The following VIPR2 variants were observed in gnomAD, a reference collection of about 807,000 sequenced individuals.
VIPR2 encodes vasoactive intestinal polypeptide receptor 2.
A neutral mutation model predicts 58.0 loss-of-function variants in VIPR2; 48 were observed. The observed-to-expected ratio is 0.83, with a 90% CI of 0.66 to 1.05. The LOEUF is 1.05. VIPR2 is among the 50% of genes least tolerant of loss of function. The pLI, the probability that VIPR2 is intolerant of heterozygous loss-of-function variation, is 0.00. For synonymous variants in VIPR2, 243 were observed against 235.2 expected (o/e 1.03, Z -0.30); for missense variants, 534 against 558.0 (o/e 0.96, Z 0.43).
intron 5 of VIPR2, among the ~76,000 whole-genome samples, chr7:159,044,771 GT>G (rs1351179561): frequency 4.9e-4 from 72 of 146,760 alleles, no homozygotes; most frequent in African/African-American, 6.7e-4. Flanking sequence ...GCCAAAGCAG[GT>G]TTTTTTTTTT....
intron 2 of VIPR2, among the ~76,000 whole-genome samples, chr7:159,132,913 CAGATTGATTTCAGACAGAATGATTGGCAT>C (rs1797016360): frequency 2.2e-5 from 3 of 138,474 alleles, no homozygotes; most frequent in Admixed American, 7.3e-5. Context: ...GATTGGCATA[CAGATTGATTTCAGACAGAATGATTGGCAT>C]ACAGATTGAT....
chr7:159,061,927 AG>A (rs1855691746), intron 4 of VIPR2, among the ~76,000 whole-genome samples: 1 of 151,990 alleles, frequency 6.6e-6, no homozygotes, highest in African/African-American at 2.4e-5. Flanking sequence ...TCCCGGTGGG[AG>A]GGGAGCGGCG....
chr7:159,087,434 G>A (rs1420263500), intron 4 of VIPR2, among the ~76,000 whole-genome samples: 21 of 88,480 alleles, frequency 2.4e-4, no homozygotes, highest in East Asian at 7.2e-4. Context: ...AGTGAGATAC[G>A]GCTTCCCCAA....
At chr7:159,135,723 T>C (rs1019202373) in intron 2 of VIPR2, among the ~76,000 whole-genome samples, 5 of 152,150 alleles carry the variant, frequency 3.3e-5, no homozygotes, top group Non-Finnish European at 5.9e-5. Context: ...CTCAGGAGGC[T>C]GAGGCAAGAG....
At chr7:159,066,196 C>T (rs1030726143) in intron 4 of VIPR2, among the ~76,000 whole-genome samples, 8 of 148,444 alleles carry the variant, frequency 5.4e-5, no homozygotes, top group Non-Finnish European at 8.9e-5. Context: ...TGCCTGCTCC[C>T]GCACCGTCCA....
chr7:159,113,782 G>A (rs1166629944), intron 2 of VIPR2, among the ~76,000 whole-genome samples: 1 of 152,146 alleles, frequency 6.6e-6, no homozygotes, highest in African/African-American at 2.4e-5. Flanking sequence ...ATTATACTTG[G>A]GTGGTGGGAA....
chr7:159,043,588 C>A (rs1019181140), intron 5 of VIPR2, among the ~76,000 whole-genome samples: 1 of 152,176 alleles, frequency 6.6e-6, no homozygotes, highest in African/African-American at 2.4e-5. Context: ...GAACGCTTAG[C>A]CGGGGGAAGG....
At chr7:159,051,223 A>G (rs143963495) in intron 5 of VIPR2, among the ~76,000 whole-genome samples, 734 of 152,378 alleles carry the variant, frequency 4.8e-3, no homozygotes, top group Non-Finnish European at 7.9e-3. Flanking sequence ...TAACACAACA[A>G]CAATAGTATT....
intron 4 of VIPR2, among the ~76,000 whole-genome samples, chr7:159,102,219 A>C (rs1004316855): frequency 6.6e-6 from 1 of 151,460 alleles, no homozygotes; most frequent in Non-Finnish European, 1.5e-5. Context: ...GGGTCTCAGA[A>C]GATCCGATGA....
chr7:159,071,729 G>T (rs889790521), intron 4 of VIPR2, among the ~76,000 whole-genome samples: 1 of 152,260 alleles, frequency 6.6e-6, no homozygotes, highest in Non-Finnish European at 1.5e-5. Flanking sequence ...CATGAAAAGT[G>T]CAGTCACACC....
At chr7:159,119,834 G>A (rs1486897802) in intron 2 of VIPR2, among the ~76,000 whole-genome samples, 1 of 151,364 alleles carries the variant, frequency 6.6e-6, no homozygotes, top group Non-Finnish European at 1.5e-5. Context: ...GGTAGGTGGG[G>A]TCGGAAGAAA....
At chr7:159,107,965 A>G (rs76728752) in intron 3 of VIPR2, among the ~76,000 whole-genome samples, 14,738 of 152,282 alleles carry the variant, frequency 0.097, 810 homozygotes, top group African/African-American at 0.14. Context: ...TGAGAAATCA[A>G]AAGAGAACAC....
At chr7:159,070,571 C>T (rs1379700812) in intron 4 of VIPR2, among the ~76,000 whole-genome samples, 6 of 152,080 alleles carry the variant, frequency 3.9e-5, no homozygotes, top group Non-Finnish European at 8.8e-5. Flanking sequence ...GCACGTCAGG[C>T]GTTGTGGGAA....
intron 1 of VIPR2, among the ~76,000 whole-genome samples, chr7:159,143,430 C>T (rs1396181381): frequency 3.3e-5 from 5 of 150,714 alleles, no homozygotes; most frequent in African/African-American, 1.2e-4. Context: ...GAGAATCATA[C>T]TGTTGGGCGT....
chr7:159,036,940 C>T, intron 6 of VIPR2, 38 bp from the exon 7 acceptor site: 1 of 1,588,916 alleles, frequency 6.3e-7, no homozygotes, highest in Non-Finnish European at 8.6e-7. Context: ...AGCATGACCT[C>T]ATCCGGTAAC....
chr7:159,114,717 G>A (rs1478914897), intron 2 of VIPR2, among the ~76,000 whole-genome samples: 1 of 151,934 alleles, frequency 6.6e-6, no homozygotes, highest in African/African-American at 2.4e-5. Context: ...GAGGTAGGAG[G>A]ATTGCTTGAG....
chr7:159,142,294 C>G (rs1797501882), intron 2 of VIPR2, 152 bp downstream of exon 2: 2 of 592,612 alleles, frequency 3.4e-6, no homozygotes, highest in Non-Finnish European at 6.0e-6. Context: ...CTGAGTTTTA[C>G]CAGTAGTTCA....
At chr7:159,058,383 C>G in intron 5 of VIPR2, 98 bp downstream of exon 5, 1 of 938,874 alleles carries the variant, frequency 1.1e-6, no homozygotes, top group South Asian at 1.3e-5. Context: ...ATTGGCTTAG[C>G]ACACAGAGGG....
At chr7:159,034,757 G>T in intron 8 of VIPR2, 107 bp from the exon 9 acceptor site, 1 of 844,044 alleles carries the variant, frequency 1.2e-6, no homozygotes, top group Non-Finnish European at 2.0e-6. Context: ...CCTCACCGTG[G>T]AAGCACAATT....
Sources: gnomAD v4.1 joint callset for allele counts (sites outside exome capture counted in the v4.1 genomes callset) on GRCh38, gnomAD v4.1.1 for gene constraint, MANE v1.5 for transcripts, NCBI Gene and HGNC (gene_info 2026-07-23, HGNC 2026-07-21) for gene names.